Variants in ST14 observed in about 807,000 individuals in gnomAD.
ST14 encodes the protein ST14 transmembrane serine protease matriptase, also known as suppressor of tumorigenicity 14 protein.
Under a neutral mutation model 96.5 loss-of-function variants are expected in ST14, and 40 were observed. The ratio of observed to expected loss-of-function variants is 0.41; its 90% CI spans 0.32 to 0.54. The LOEUF (loss-of-function observed/expected upper bound fraction) is 0.54, where lower values mean the gene tolerates loss of function less well. ST14 is among the 20% of genes least tolerant of loss of function. The pLI is 0.17. For synonymous variants in ST14, 506 were observed against 492.1 expected (o/e 1.03, Z -0.37); for missense variants, 1,066 against 1,188.9 (o/e 0.90, Z 1.52).
At chr11:130,190,343 G>A in intron 6 of ST14, 111 bp from the exon 7 acceptor site, 3 of 1,555,468 alleles carry the variant, frequency 1.9e-6, no homozygotes, top group Non-Finnish European at 2.6e-6. Context: ...GCAGCCTGGG[G>A]CGTCTCGAAG....
chr11:130,200,566 A>G (rs911517693), intron 16 of ST14, among the ~76,000 whole-genome samples: 3 of 151,920 alleles, frequency 2.0e-5, no homozygotes, highest in Non-Finnish European at 4.4e-5. Flanking sequence ...TGACCAAAAC[A>G]CCTCCTACCA....
intron 1 of ST14, among the ~76,000 whole-genome samples, chr11:130,172,996 T>C (rs549567211): frequency 1.3e-5 from 2 of 152,288 alleles, no homozygotes; most frequent in Admixed American, 6.5e-5. Context: ...CTTTCCTTTC[T>C]GGGGAGCTGG....
rs1049022928 is a variant in ST14, at chr11:130,210,247, G to C, written c.*424G>C. 2 of 181,276 alleles carry C rather than the reference G, an allele frequency of 1.1e-5. No individual in the cohort carries two copies. The highest frequency in any genetic ancestry group is 2.3e-5 in the Non-Finnish European group (2 of 86,320). 11.2% of individuals were successfully genotyped at this position (181,276 alleles called of 1,614,324 possible). On this transcript the variant is annotated 3_prime_UTR_variant, in exon 19 of 19. Coordinates refer to ENST00000278742, the MANE Select transcript of ST14 (RefSeq NM_021978.4). ...GGGCCACGCTCTTGAGGAAGCCCAG[G>C]CTCGGAGGACCCTGGAAAACAGACG...
intron 1 of ST14, among the ~76,000 whole-genome samples, chr11:130,168,791 G>C (rs1222230062): frequency 6.6e-6 from 1 of 152,112 alleles, no homozygotes; most frequent in East Asian, 1.9e-4. Context: ...TGTTTGCATA[G>C]TTGGTCCTTT....
intron 1 of ST14, among the ~76,000 whole-genome samples, chr11:130,178,959 T>A (rs1476756358): frequency 6.6e-6 from 1 of 152,166 alleles, no homozygotes; most frequent in Non-Finnish European, 1.5e-5. Flanking sequence ...ATGATGCTTA[T>A]AACCAATTGT....
At chr11:130,173,325 C>T (rs1458681819) in intron 1 of ST14, among the ~76,000 whole-genome samples, 5 of 152,120 alleles carry the variant, frequency 3.3e-5, no homozygotes, top group African/African-American at 9.7e-5. Context: ...AGGCTGGGCG[C>T]GGTGGCTCAT....
chr11:130,170,764 C>A (rs1216106234), intron 1 of ST14, among the ~76,000 whole-genome samples: 1 of 152,000 alleles, frequency 6.6e-6, no homozygotes, highest in South Asian at 2.1e-4. Context: ...AAAGGAGTGA[C>A]GACCCATATA....
At chr11:130,189,662 T>A in intron 4 of ST14, 77 bp from the exon 5 acceptor site, 1 of 1,581,244 alleles carries the variant, frequency 6.3e-7, no homozygotes, top group East Asian at 2.2e-5. Flanking sequence ...GCCGCCCATG[T>A]GTCCTGGAGT....
intron 11 of ST14, 151 bp downstream of exon 11, chr11:130,196,851 A>C: frequency 3.5e-6 from 4 of 1,146,650 alleles, no homozygotes; most frequent in Non-Finnish European, 5.1e-6. Flanking sequence ...GGAGGAAAAC[A>C]CGCTACCTTT....
chr11:130,186,798 T>C (rs940146762), intron 1 of ST14, among the ~76,000 whole-genome samples: 5 of 152,186 alleles, frequency 3.3e-5, no homozygotes, highest in South Asian at 2.1e-4. Context: ...GATGTCTAGA[T>C]AGATGAATCA....
chr11:130,180,979 C>T (rs572778607), intron 1 of ST14, among the ~76,000 whole-genome samples: 40 of 152,296 alleles, frequency 2.6e-4, no homozygotes, highest in East Asian at 5.8e-4. Context: ...TCTGACCCTT[C>T]GCTCCCTGCA....
intron 7 of ST14, among the ~76,000 whole-genome samples, chr11:130,191,710 A>G (rs1431230011): frequency 1.4e-5 from 2 of 138,456 alleles, no homozygotes; most frequent in African/African-American, 2.6e-5. Context: ...AAAAAAAAAA[A>G]GAGCCTTTAT....
At position 130,189,809 on chromosome 11, in the gene ST14, C is replaced by T; in HGVS notation, c.511C>T (p.Arg171Cys). 24 of 1,613,892 alleles carry T rather than the reference C, an allele frequency of 1.5e-5. No individual in the cohort carries two copies. The highest frequency in any genetic ancestry group is 2.2e-5 in the South Asian group (2 of 91,092). Residue 171 changes from arginine to cysteine, a missense_variant, in exon 5 of 19, where the codon CGC (arginine) becomes TGC (cysteine). Arg to Cys is a radical substitution (Grantham distance 180). Coordinates refer to ENST00000278742, the MANE Select transcript of ST14 (RefSeq NM_021978.4). ...IPQHLVEEAE[R>C]VMAEERVVML... The stretch of plus-strand genomic sequence containing the variant: ...GCAGCACCTGGTGGAGGAGGCCGAG[C>T]GCGTCATGGCCGAGGAGCGCGTAGT...
In ST14 at chr11:130,198,023, T is replaced by G. The variant is rs1369937938; in HGVS notation, c.1459+78T>G. Reference sequence around the variant, plus strand: ...GCGTCCCATGGCCCTGCTGGCTGACTGCCGAGGCAGAAAGGCCGGAGGTGG... The same window carrying G: ...GCGTCCCATGGCCCTGCTGGCTGACGGCCGAGGCAGAAAGGCCGGAGGTGG... On this transcript the variant is annotated intron_variant, in intron 12 of 18. Coordinates refer to ENST00000278742, the MANE Select transcript of ST14 (RefSeq NM_021978.4). The G allele has an allele frequency of 1.8e-5, 26 of 1,438,640 alleles. No homozygotes were observed. In the East Asian group the frequency reaches 6.2e-4, roughly 34 times the overall value. 89.1% of individuals were successfully genotyped at this position (1,438,640 alleles called of 1,614,324 possible).
At chr11:130,198,655 G>A (rs1480653787) in intron 14 of ST14, 34 bp downstream of exon 14, 2 of 1,590,816 alleles carry the variant, frequency 1.3e-6, no homozygotes, top group Non-Finnish European at 1.7e-6. Flanking sequence ...CCTGTTGGGG[G>A]CCTCGCCCCT....
In ST14 at chr11:130,182,895, C is replaced by A. The variant is rs1364220768; in HGVS notation, c.82-5219C>A. Among the ~76,000 whole-genome samples the A allele has an allele frequency of 3.3e-5, 5 of 151,818 alleles. No homozygotes were observed. The East Asian group carries it at 9.7e-4, about 29-fold the overall frequency. Reference sequence around the variant, plus strand: ...CGAACTCCTGACCTAGGTGATCCACCCACCTTGGCCTCCAAAAATGCTGGG... The same window carrying A: ...CGAACTCCTGACCTAGGTGATCCACACACCTTGGCCTCCAAAAATGCTGGG... On this transcript the variant is annotated intron_variant, in intron 1 of 18. Transcript: ENST00000278742.
chr11:130,160,087 G>T (rs1331140981), intron 1 of ST14, 27 bp downstream of exon 1: 10 of 1,395,732 alleles, frequency 7.2e-6, no homozygotes, highest in East Asian at 3.1e-5. Context: ...GACCCGGGGC[G>T]CTGGGAAGCT....
intron 7 of ST14, 83 bp from the exon 8 acceptor site, chr11:130,194,066 C>A: frequency 6.3e-7 from 1 of 1,579,998 alleles, no homozygotes; most frequent in South Asian, 1.1e-5. Context: ...TCCTCAGGCA[C>A]CTCTGCCTGA....
In ST14 at chr11:130,210,162, A is replaced by G; in HGVS notation, c.*339A>G. ...TGTCTCTAAGGAGCAGCGGGAACGG[A>G]GCTTCGGGGCCTCCTCAGTGAAGGT... is the stretch of plus-strand genomic sequence containing the variant. On this transcript the variant is annotated 3_prime_UTR_variant, in exon 19 of 19. Transcript: ENST00000278742. 7.9e-6 allele frequency: 2 copies of G among 254,536 alleles called. No individual in the cohort carries two copies. The highest frequency in any genetic ancestry group is 1.5e-5 in the Non-Finnish European group (2 of 131,374). 15.8% of individuals were successfully genotyped at this position (254,536 alleles called of 1,614,324 possible). A position where few individuals can be genotyped will look rare whatever the true frequency, so the allele number is the denominator to read the frequency against.
Sources: gnomAD v4.1 joint callset for allele counts (sites outside exome capture counted in the v4.1 genomes callset) on GRCh38, gnomAD v4.1.1 for gene constraint, MANE v1.5 for transcripts, NCBI Gene and HGNC (gene_info 2026-07-23, HGNC 2026-07-21) for gene names.